PPFIBP1: variants seen among roughly 807,000 people sequenced by gnomAD.
PPFIBP1 encodes the protein liprin-beta-1.
A neutral mutation model predicts 137.8 loss-of-function variants in PPFIBP1; 112 were observed. That is an observed-to-expected ratio of 0.81 (90% CI 0.70 to 0.95). PPFIBP1 has a LOEUF of 0.95. Among genes scored for constraint, PPFIBP1 ranks in the 40% least tolerant of loss-of-function variants. PPFIBP1 has a pLI of 0.00. For missense variants in PPFIBP1, 1,083 were observed against 1,196.6 expected, an observed-to-expected ratio of 0.91 and a Z score of 1.40; for synonymous variants, 378 against 417.3, an observed-to-expected ratio of 0.91 and a Z score of 1.15.
At chr12:27,646,234 G>A (rs1199037501) in intron 5 of PPFIBP1, 86 bp downstream of exon 5, 9 of 1,001,158 alleles carry the variant, frequency 9.0e-6, no homozygotes, top group South Asian at 1.4e-5. Context: ...ATTGCTTGCA[G>A]CAATCAGACT....
At chr12:27,653,676 G>A (rs1444755546) in intron 7 of PPFIBP1, among the ~76,000 whole-genome samples, 1 of 151,346 alleles carries the variant, frequency 6.6e-6, no homozygotes, top group African/African-American at 2.4e-5. Flanking sequence ...AGTAAAATAA[G>A]TCATCTCCCA....
At chr12:27,606,635 A>C (rs1003205556) in intron 2 of PPFIBP1, among the ~76,000 whole-genome samples, 4 of 152,258 alleles carry the variant, frequency 2.6e-5, no homozygotes, top group African/African-American at 7.2e-5. Flanking sequence ...GAAAATAAAC[A>C]GATAAAATTT....
At chr12:27,639,277 C>T (rs7303264) in intron 4 of PPFIBP1, among the ~76,000 whole-genome samples, 89,433 of 152,070 alleles carry the variant, frequency 0.59, 26,841 homozygotes, top group Admixed American at 0.65. Flanking sequence ...TTTTCTGTTT[C>T]AATTATGAAA....
chr12:27,665,275 G>A (rs1211004374), intron 12 of PPFIBP1, among the ~76,000 whole-genome samples: 1 of 152,174 alleles, frequency 6.6e-6, no homozygotes, highest in Admixed American at 6.5e-5. Context: ...CCAATTCAGA[G>A]ATTTGCAGTA....
intron 2 of PPFIBP1, among the ~76,000 whole-genome samples, chr12:27,578,940 G>A (rs2050815028): frequency 6.6e-6 from 1 of 152,248 alleles, no homozygotes; most frequent in Non-Finnish European, 1.5e-5. Flanking sequence ...CACCTAGTCA[G>A]TGAGTGTGAA....
At chr12:27,540,583 T>A (rs1945542132) in intron 1 of PPFIBP1, among the ~76,000 whole-genome samples, 1 of 152,200 alleles carries the variant, frequency 6.6e-6, no homozygotes, top group Admixed American at 6.5e-5. Context: ...GTATTTCAGA[T>A]CATTCCTGTC....
intron 2 of PPFIBP1, among the ~76,000 whole-genome samples, chr12:27,622,106 A>T (rs1049360503): frequency 2.6e-5 from 4 of 152,180 alleles, no homozygotes; most frequent in Non-Finnish European, 5.9e-5. Flanking sequence ...AATTGTCTTC[A>T]TCATTTTATA....
At chr12:27,655,134 C>T (rs1331329319) in intron 8 of PPFIBP1, 2 of 1,512,802 alleles carry the variant, frequency 1.3e-6, no homozygotes, top group African/African-American at 1.4e-5. Flanking sequence ...TCCTCTGTCT[C>T]TCTACCAGTC....
intron 1 of PPFIBP1, among the ~76,000 whole-genome samples, 188 bp from the exon 2 acceptor site, chr12:27,577,964 G>T (rs1274106863): frequency 2.6e-5 from 4 of 151,792 alleles, no homozygotes; most frequent in African/African-American, 9.7e-5. Flanking sequence ...TGCTGGACGG[G>T]GAAGAAGGAA....
In PPFIBP1 at chr12:27,579,168, T is replaced by A. The variant is rs80345342; in HGVS notation, c.-36+929T>A. On this transcript the variant is annotated intron_variant, in intron 2 of 29. Coordinates refer to ENST00000228425, the MANE Select transcript of PPFIBP1 (RefSeq NM_003622.4). ...CCTGGGTGGGGAGCTAAGAGATCTG[T>A]TGTCCAGTTCCAGTCCTTTCAGGAA... Among the ~76,000 whole-genome samples, 407 of 152,334 alleles carry A rather than the reference T, an allele frequency of 2.7e-3. 1 individual carries two copies. Among genetic ancestry groups the A allele is most frequent in the African/African-American group, 9.0e-3 (375 of 41,582 alleles).
At chr12:27,590,506 C>A (rs934170931) in intron 2 of PPFIBP1, among the ~76,000 whole-genome samples, 8 of 152,266 alleles carry the variant, frequency 5.3e-5, no homozygotes, top group African/African-American at 1.9e-4. Context: ...TATAAAGGAA[C>A]TAAGACCTGG....
At chr12:27,583,965 CT>C (rs200816610) in intron 2 of PPFIBP1, among the ~76,000 whole-genome samples, 2,667 of 152,208 alleles carry the variant, frequency 0.018, 77 homozygotes, top group African/African-American at 0.062. Flanking sequence ...GTTGATTCTT[CT>C]TTTTTTGTGG....
chr12:27,560,102 C>G (rs539647894), intron 1 of PPFIBP1, among the ~76,000 whole-genome samples: 1 of 152,108 alleles, frequency 6.6e-6, no homozygotes, highest in East Asian at 1.9e-4. Flanking sequence ...AAATGTACAC[C>G]CAGAAGTTTT....
At chr12:27,578,786 TA>T (rs1221438360) in intron 2 of PPFIBP1, among the ~76,000 whole-genome samples, 24 of 152,352 alleles carry the variant, frequency 1.6e-4, no homozygotes, top group African/African-American at 5.3e-4. Context: ...ATTCTACAAA[TA>T]GTGTTTCTGA....
At chr12:27,614,012 T>C (rs1325145721) in intron 2 of PPFIBP1, among the ~76,000 whole-genome samples, 1 of 152,172 alleles carries the variant, frequency 6.6e-6, no homozygotes, top group Admixed American at 6.5e-5. Flanking sequence ...TCTCTCTTCC[T>C]ATCTCCTGGT....
chr12:27,693,061 A>G lies in PPFIBP1; in HGVS notation c.*179A>G. 1.2e-6 allele frequency: 1 copy of G among 862,142 alleles called. No homozygotes were observed. Among genetic ancestry groups the G allele is most frequent in the Non-Finnish European group, 1.7e-6 (1 of 599,538 alleles). 53.4% of individuals were successfully genotyped at this position (862,142 alleles called of 1,614,324 possible). On this transcript the variant is annotated 3_prime_UTR_variant, in exon 30 of 30. Transcript: ENST00000228425. Reference sequence around the variant, plus strand: ...GCCGATTCTGAAGTTGCCACAAAAAATAAGACACTGGTGAATGAGAGTATA... The same window carrying G: ...GCCGATTCTGAAGTTGCCACAAAAAGTAAGACACTGGTGAATGAGAGTATA...
intron 2 of PPFIBP1, chr12:27,608,705 G>A: frequency 5.0e-6 from 2 of 396,616 alleles, no homozygotes; most frequent in South Asian, 2.0e-5. Context: ...AGGGAGACAG[G>A]GACACCGATA....
intron 1 of PPFIBP1, among the ~76,000 whole-genome samples, chr12:27,577,923 A>C (rs1465037598): frequency 6.6e-6 from 1 of 152,182 alleles, no homozygotes; most frequent in South Asian, 2.1e-4. Context: ...GTTGTCCAGT[A>C]ACTGAGGAAG....
intron 7 of PPFIBP1, among the ~76,000 whole-genome samples, chr12:27,652,969 A>C (rs2058967532): frequency 6.6e-6 from 1 of 152,224 alleles, no homozygotes; most frequent in Non-Finnish European, 1.5e-5. Context: ...TCATAAGAAG[A>C]AAATAGATAT....
Sources: allele counts gnomAD v4.1 joint callset (sites outside exome capture counted in the v4.1 genomes callset), GRCh38; gene constraint gnomAD v4.1.1; transcripts MANE v1.5; gene names NCBI Gene and HGNC (gene_info 2026-07-23, HGNC 2026-07-21).